The following PSMB7 variants were observed in gnomAD, a reference collection of about 807,000 sequenced individuals.
PSMB7 encodes the protein proteasome subunit beta type-7.
A neutral mutation model predicts 28.1 loss-of-function variants in PSMB7; 5 were observed. That is an observed-to-expected ratio of 0.18 (90% CI 0.09 to 0.37). The LOEUF is 0.37. Ranked by LOEUF, PSMB7 falls within the 10% of genes least tolerant of loss-of-function variation. The pLI is 1.00. For synonymous variants in PSMB7, 122 were observed against 123.7 expected (o/e 0.99, Z 0.09); for missense variants, 275 against 346.2 (o/e 0.79, Z 1.63).
At chr9:124,396,330 T>C (rs10818960) in intron 5 of PSMB7, among the ~76,000 whole-genome samples, 66 of 75,948 alleles carry the variant, frequency 8.7e-4, no homozygotes, top group East Asian at 4.0e-3. Flanking sequence ...TGTACTTTAG[T>C]GTAAAAATAC....
At chr9:124,398,028 C>A (rs539592035) in intron 5 of PSMB7, among the ~76,000 whole-genome samples, 1 of 151,996 alleles carries the variant, frequency 6.6e-6, no homozygotes, top group Non-Finnish European at 1.5e-5. Flanking sequence ...ATTAGCAGGG[C>A]GTGGCTAATT....
intron 5 of PSMB7, among the ~76,000 whole-genome samples, chr9:124,397,047 A>T (rs1276095274): frequency 6.6e-6 from 1 of 152,246 alleles, no homozygotes; most frequent in Non-Finnish European, 1.5e-5. Flanking sequence ...AACCGACGGG[A>T]TCCTTTTTCT....
intron 4 of PSMB7, among the ~76,000 whole-genome samples, chr9:124,411,218 A>ATT (rs1220325356): frequency 6.6e-6 from 1 of 152,054 alleles, no homozygotes; most frequent in African/African-American, 2.4e-5. Flanking sequence ...GTGATCCGCC[A>ATT]ACCTTGGCCT....
intron 6 of PSMB7, among the ~76,000 whole-genome samples, chr9:124,366,535 G>T (rs1483933908): frequency 6.6e-6 from 1 of 152,216 alleles, no homozygotes; most frequent in Admixed American, 6.5e-5. Context: ...CAAGTAAAAA[G>T]GTTACGGTAA....
At chr9:124,366,041 ATGTGTG>A (rs895896151) in intron 6 of PSMB7, among the ~76,000 whole-genome samples, 1 of 152,228 alleles carries the variant, frequency 6.6e-6, no homozygotes, top group South Asian at 2.1e-4. Flanking sequence ...GTCTACACCA[ATGTGTG>A]TGTGTTTGTG....
chr9:124,414,199 T>C (rs1831060900), intron 2 of PSMB7, among the ~76,000 whole-genome samples, 194 bp from the exon 3 acceptor site: 1 of 152,212 alleles, frequency 6.6e-6, no homozygotes, highest in Non-Finnish European at 1.5e-5. Context: ...ATGCTACTAA[T>C]TGAATCCTGA....
chr9:124,401,751 T>C (rs1435824694), intron 5 of PSMB7, among the ~76,000 whole-genome samples: 1 of 152,200 alleles, frequency 6.6e-6, no homozygotes, highest in African/African-American at 2.4e-5. Flanking sequence ...CCGGGTGCAG[T>C]GGCTCACACC....
rs368218092 is a variant in PSMB7 at position 124,415,417 on chromosome 9, A to G, written c.9T>C (p.Ala3=). 8 of 1,614,048 alleles carry G rather than the reference A, an allele frequency of 5.0e-6. No homozygotes were observed. The highest frequency in any genetic ancestry group is 4.0e-5 in the African/African-American group (3 of 74,950). ...CAACTGGTGGAGCATACACCGACAC[A>G]GCCGCCATCTTCCCAAGAAAGCAGT... MA[A]VSVYAPPVGG... is the part of the protein sequence containing the mutation. The change falls in exon 1 of 8, where the codon GCT becomes GCC. Residue 3 remains alanine, a synonymous_variant. Coordinates refer to ENST00000259457, the MANE Select transcript of PSMB7 (RefSeq NM_002799.4).
intron 6 of PSMB7, among the ~76,000 whole-genome samples, chr9:124,363,890 G>A (rs1438555988): frequency 1.3e-5 from 2 of 152,106 alleles, no homozygotes; most frequent in East Asian, 1.9e-4. Context: ...AGATGTCAGC[G>A]GCTGCACGGC....
intron 4 of PSMB7, among the ~76,000 whole-genome samples, chr9:124,408,375 T>A (rs1830990107): frequency 6.6e-6 from 1 of 152,196 alleles, no homozygotes; most frequent in African/African-American, 2.4e-5. Context: ...GGCTTCTATG[T>A]TCCAAAGGTT....
At chr9:124,363,685 A>G (rs1237037198) in intron 6 of PSMB7, among the ~76,000 whole-genome samples, 1 of 152,042 alleles carries the variant, frequency 6.6e-6, no homozygotes, top group Non-Finnish European at 1.5e-5. Flanking sequence ...TGGTGTTGCC[A>G]TTTCTTTCCT....
chr9:124,387,521 T>C (rs1374724327), intron 5 of PSMB7, among the ~76,000 whole-genome samples: 3 of 151,988 alleles, frequency 2.0e-5, no homozygotes, highest in African/African-American at 7.3e-5. Flanking sequence ...TCGAGAAATT[T>C]TCTGAAAAGC....
At chr9:124,371,780 A>G (rs1457996873) in intron 6 of PSMB7, among the ~76,000 whole-genome samples, 2 of 152,166 alleles carry the variant, frequency 1.3e-5, no homozygotes, top group Non-Finnish European at 2.9e-5. Context: ...AATTCCACCT[A>G]TACAGTTAAA....
chr9:124,356,110 T>C lies in PSMB7; in HGVS notation c.722+654A>G, dbSNP rs1588564939. Among the ~76,000 whole-genome samples, 1 of 151,972 alleles carries C rather than the reference T, an allele frequency of 6.6e-6. No individual in the cohort carries two copies. Among genetic ancestry groups the C allele is most frequent in the South Asian group, 2.1e-4 (1 of 4,818 alleles). On this transcript the variant is annotated intron_variant, in intron 7 of 7. Transcript: ENST00000259457. The surrounding 1 kb of genome is among the most constrained non-coding windows in gnomAD (Gnocchi z 4.4). ...GAAGAGGTCAGGAGCCACAGGATGG[T>C]CAAGCAGCCGGACAATCACGAGACA... is the stretch of plus-strand genomic sequence containing the variant.
At chr9:124,414,994 C>T (rs1831071979) in intron 1 of PSMB7, 59 bp from the exon 2 acceptor site, 3 of 1,183,626 alleles carry the variant, frequency 2.5e-6, no homozygotes, top group Non-Finnish European at 3.7e-6. Context: ...ACAGCACTGG[C>T]ATGAAAAGTG....
intron 6 of PSMB7, among the ~76,000 whole-genome samples, chr9:124,375,289 T>G (rs1423888735): frequency 6.6e-6 from 1 of 152,074 alleles, no homozygotes; most frequent in South Asian, 2.1e-4. Context: ...GCCTCCTGAG[T>G]AGCTGAGACT....
chr9:124,384,227 TAC>T (rs990098123), intron 6 of PSMB7: 4 of 198,810 alleles, frequency 2.0e-5, no homozygotes, highest in Admixed American at 6.0e-5. Flanking sequence ...TGCAAAGACA[TAC>T]ACAGTTTTTC....
chr9:124,386,662 T>C (rs1326952249), intron 5 of PSMB7, among the ~76,000 whole-genome samples: 2 of 152,146 alleles, frequency 1.3e-5, no homozygotes, highest in South Asian at 2.1e-4. Context: ...GAAATAAACA[T>C]TTAAAAAAGG....
intron 5 of PSMB7, among the ~76,000 whole-genome samples, chr9:124,399,771 CAG>C (rs1489916546): frequency 2.6e-5 from 4 of 152,130 alleles, no homozygotes; most frequent in Admixed American, 6.5e-5. Context: ...TCTGTAATGA[CAG>C]TGGCCATCCC....
Sources: allele counts gnomAD v4.1 joint callset (sites outside exome capture counted in the v4.1 genomes callset), GRCh38; gene constraint gnomAD v4.1.1; non-coding constraint Gnocchi (gnomAD v3.1); transcripts MANE v1.5; gene names NCBI Gene and HGNC (gene_info 2026-07-23, HGNC 2026-07-21).